Variants in P3H2 observed in about 807,000 individuals in gnomAD.
P3H2 encodes prolyl 3-hydroxylase 2.
A neutral mutation model predicts 87.0 loss-of-function variants in P3H2; 80 were observed. The ratio of observed to expected loss-of-function variants is 0.92; its 90% CI spans 0.77 to 1.11. The LOEUF (loss-of-function observed/expected upper bound fraction) is 1.11. Ranked by LOEUF, P3H2 falls within the 50% of genes least tolerant of loss-of-function variation. The pLI is 0.00. For synonymous variants in P3H2, 367 were observed against 359.3 expected (o/e 1.02, Z -0.24); for missense variants, 1,001 against 923.9 (o/e 1.08, Z -1.08).
At chr3:190,094,650 GTCTC>G (rs1389219171) in intron 1 of P3H2, among the ~76,000 whole-genome samples, 2 of 152,202 alleles carry the variant, frequency 1.3e-5, no homozygotes, top group African/African-American at 4.8e-5. Context: ...GGGGTACTGG[GTCTC>G]TCTGACATTC....
At chr3:190,101,196 A>T (rs1262731856) in intron 1 of P3H2, among the ~76,000 whole-genome samples, 2 of 151,836 alleles carry the variant, frequency 1.3e-5, no homozygotes, top group Non-Finnish European at 2.9e-5. Context: ...ACAACACTGA[A>T]ATTAGGCCAA....
intron 4 of P3H2, among the ~76,000 whole-genome samples, chr3:189,988,591 T>G (rs1478261216): frequency 6.6e-6 from 1 of 152,186 alleles, no homozygotes; most frequent in Non-Finnish European, 1.5e-5. Context: ...TAATGTTTTG[T>G]TTTTGGAAAG....
At chr3:190,082,456 T>C (rs1263709484) in intron 1 of P3H2, among the ~76,000 whole-genome samples, 1 of 152,156 alleles carries the variant, frequency 6.6e-6, no homozygotes, top group Non-Finnish European at 1.5e-5. Context: ...TAGTTGTACA[T>C]AGTTTGAAGG....
chr3:190,106,829 G>A (rs1711857013), intron 1 of P3H2, among the ~76,000 whole-genome samples: 1 of 152,130 alleles, frequency 6.6e-6, no homozygotes, highest in Admixed American at 6.5e-5. Flanking sequence ...TCAGGCTTCA[G>A]TATCCCTATT....
intron 1 of P3H2, among the ~76,000 whole-genome samples, chr3:190,063,990 CT>C (rs770967128): frequency 0.029 from 3,630 of 124,190 alleles, 30 homozygotes; most frequent in South Asian, 0.04. Flanking sequence ...TTAGAATAAA[CT>C]TTTTTTTTTT....
chr3:190,088,072 G>C (rs1727285296), intron 1 of P3H2, among the ~76,000 whole-genome samples: 1 of 152,092 alleles, frequency 6.6e-6, no homozygotes, highest in South Asian at 2.1e-4. Context: ...GCGCAACAGA[G>C]ACCAAACATA....
At chr3:189,998,774 CT>C (rs1262299052) in intron 1 of P3H2, among the ~76,000 whole-genome samples, 1 of 152,194 alleles carries the variant, frequency 6.6e-6, no homozygotes, top group African/African-American at 2.4e-5. Context: ...GGTCCCCAGT[CT>C]TTTTGGCACC....
intron 1 of P3H2, among the ~76,000 whole-genome samples, chr3:190,037,046 T>C (rs773524106): frequency 6.6e-6 from 1 of 152,070 alleles, no homozygotes; most frequent in Non-Finnish European, 1.5e-5. Context: ...CAAACAATAG[T>C]AATAATGTTT....
chr3:190,044,783 G>A (rs112802022), intron 1 of P3H2, among the ~76,000 whole-genome samples: 230 of 152,286 alleles, frequency 1.5e-3, no homozygotes, highest in African/African-American at 5.4e-3. Flanking sequence ...GGTAAACCTC[G>A]TCTAAATGTC....
At chr3:189,967,529 T>G (rs998315934) in intron 13 of P3H2, among the ~76,000 whole-genome samples, 1 of 150,218 alleles carries the variant, frequency 6.7e-6, no homozygotes, top group Admixed American at 6.7e-5. Flanking sequence ...AATGCCAGTA[T>G]TTTTGTACCT....
chr3:190,056,779 A>C lies in P3H2; in HGVS notation c.481-61337T>G, dbSNP rs184350342. ...GCCAGCGGTCTATTTCTATAAATCC[A>C]AGGAGCTGGATTAGAAAAGCACACG... On this transcript the variant is annotated intron_variant, in intron 1 of 14. Transcript: ENST00000319332. 2.4e-3 allele frequency among the ~76,000 whole-genome samples: 366 copies of C among 152,330 alleles called. 1 individual carries two copies. The highest frequency in any genetic ancestry group is 0.011 in the South Asian group (52 of 4,828).
chr3:190,100,700 T>A (rs1415986988), intron 1 of P3H2, among the ~76,000 whole-genome samples: 1 of 152,096 alleles, frequency 6.6e-6, no homozygotes, highest in Non-Finnish European at 1.5e-5. Context: ...CATGCTATTA[T>A]TCTCAAACTG....
Position 190,120,576 on chromosome 3 carries a change from C to A in P3H2, c.156G>T (p.Ala52=). ...CGTAGTCTCCGCTGTAGTAGGCGGC[C>A]GCGCCGCTGGCGTAGAGCAGGTCGA... The part of the protein sequence containing the change: ...QPFDLLYASG[A]AAYYSGDYER... The change falls in exon 1 of 15, where the codon GCG becomes GCT. Residue 52 remains alanine (A), a synonymous_variant. Coordinates refer to ENST00000319332, the MANE Select transcript of P3H2 (RefSeq NM_018192.4). The A allele has an allele frequency of 3.9e-6, 6 of 1,540,932 alleles. No individual in the cohort carries two copies. Among genetic ancestry groups the A allele is most frequent in the Non-Finnish European group, 5.2e-6 (6 of 1,153,692 alleles).
At chr3:190,025,109 C>A (rs947027187) in intron 1 of P3H2, among the ~76,000 whole-genome samples, 2 of 152,074 alleles carry the variant, frequency 1.3e-5, no homozygotes. Flanking sequence ...GTAAAGCCTA[C>A]GAAATGGGGG....
intron 1 of P3H2, among the ~76,000 whole-genome samples, chr3:190,049,196 C>G (rs1246756943): frequency 2.6e-5 from 4 of 152,210 alleles, no homozygotes; most frequent in African/African-American, 9.6e-5. Context: ...ATAAAAAGAT[C>G]AGGATCGGGG....
At chr3:190,055,891 T>G (rs1161769309) in intron 1 of P3H2, among the ~76,000 whole-genome samples, 1 of 152,224 alleles carries the variant, frequency 6.6e-6, no homozygotes, top group Admixed American at 6.5e-5. Context: ...TGGGATTTAC[T>G]TGTGTGTTTA....
intron 1 of P3H2, among the ~76,000 whole-genome samples, chr3:190,055,786 T>G (rs1396939169): frequency 6.6e-6 from 1 of 152,166 alleles, no homozygotes; most frequent in South Asian, 2.1e-4. Context: ...ATATTTTTAG[T>G]GGATAATAAA....
chr3:189,966,774 G>T (rs891784057), intron 13 of P3H2, among the ~76,000 whole-genome samples: 1 of 152,136 alleles, frequency 6.6e-6, no homozygotes, highest in South Asian at 2.1e-4. Flanking sequence ...ACAAACAAAT[G>T]CCGCTATTGA....
chr3:190,066,914 G>A (rs1178486289), intron 1 of P3H2, among the ~76,000 whole-genome samples: 1 of 151,886 alleles, frequency 6.6e-6, no homozygotes, highest in African/African-American at 2.4e-5. Flanking sequence ...CAGCTCAAAT[G>A]CCACTTCCTG....
Sources: allele counts gnomAD v4.1 joint callset (sites outside exome capture counted in the v4.1 genomes callset), GRCh38; gene constraint gnomAD v4.1.1; transcripts MANE v1.5; gene names NCBI Gene and HGNC (gene_info 2026-07-23, HGNC 2026-07-21).